The following RALY variants were observed in gnomAD, a reference collection of about 807,000 sequenced individuals.
RALY encodes RALY heterogeneous nuclear ribonucleoprotein.
In RALY, 15 loss-of-function variants were observed where a neutral mutation model predicts 30.7. The observed-to-expected ratio is 0.49, with a 90% confidence interval of 0.33 to 0.75. The LOEUF (loss-of-function observed/expected upper bound fraction) is 0.75. RALY is among the 30% of genes least tolerant of loss of function. The pLI, the probability that RALY is intolerant of heterozygous loss-of-function variation, is 0.02. For synonymous variants in RALY, 177 were observed against 170.8 expected, an observed-to-expected ratio of 1.04 and a Z score of -0.28; for missense variants, 339 against 414.3, an observed-to-expected ratio of 0.82 and a Z score of 1.58.
intron 2 of RALY, among the ~76,000 whole-genome samples, chr20:34,070,759 A>G (rs1197042587): frequency 6.6e-5 from 10 of 152,126 alleles, no homozygotes; most frequent in African/African-American, 1.9e-4. Context: ...GGATCTTGGG[A>G]TTATTCAGTA....
In RALY at chr20:34,072,345, A is replaced by G. The variant is rs1428515582; in HGVS notation, c.256+15A>G. ...GCAGACCCTGGGTAAGCCTCTCTTCACTATATTCTCCTAGTATTCTCTAGA... is the reference window on the plus strand; with the variant it reads ...GCAGACCCTGGGTAAGCCTCTCTTCGCTATATTCTCCTAGTATTCTCTAGA... On this transcript the variant is annotated intron_variant, in intron 3 of 9. Transcript: ENST00000246194. 3 of 1,606,736 alleles carry G rather than the reference A, an allele frequency of 1.9e-6. No homozygotes were observed. Among genetic ancestry groups the G allele is most frequent in the Non-Finnish European group, 2.5e-6 (3 of 1,178,354 alleles).
intron 2 of RALY, among the ~76,000 whole-genome samples, chr20:34,051,579 G>T (rs1568681650): frequency 1.3e-5 from 2 of 152,216 alleles, no homozygotes; most frequent in South Asian, 4.2e-4. Flanking sequence ...ATTGCACTCT[G>T]AGTCTTTGAA....
chr20:34,021,359 G>A (rs544173535), intron 1 of RALY, among the ~76,000 whole-genome samples: 38 of 152,282 alleles, frequency 2.5e-4, no homozygotes, highest in African/African-American at 7.7e-4. Context: ...TCATGCTTCT[G>A]GAGGCTGGGA....
intron 2 of RALY, among the ~76,000 whole-genome samples, chr20:34,050,071 C>G (rs946584423): frequency 1.3e-5 from 2 of 152,202 alleles, no homozygotes; most frequent in African/African-American, 4.8e-5. Context: ...GCTGTTCCAT[C>G]TCATGCCATT....
At chr20:34,072,681 C>T (rs1217610501) in intron 3 of RALY, among the ~76,000 whole-genome samples, 1 of 152,122 alleles carries the variant, frequency 6.6e-6, no homozygotes, top group East Asian at 1.9e-4. Flanking sequence ...TTTCTGAGAG[C>T]GAGCAGGAGG....
chr20:34,012,146 G>T (rs568859963), intron 1 of RALY, among the ~76,000 whole-genome samples: 1 of 152,086 alleles, frequency 6.6e-6, no homozygotes, highest in African/African-American at 2.4e-5. Context: ...CCTTTGTTTG[G>T]TTTTCCTGCC....
intron 8 of RALY, 90 bp from the exon 9 acceptor site, chr20:34,078,415 A>G (rs766532801): frequency 2.4e-5 from 30 of 1,235,314 alleles, no homozygotes; most frequent in Non-Finnish European, 3.1e-5. Flanking sequence ...TGCCCTCTGG[A>G]CCATGAAGTT....
intron 1 of RALY, among the ~76,000 whole-genome samples, chr20:34,003,639 T>C (rs1285974710): frequency 7.0e-6 from 1 of 142,582 alleles, no homozygotes; most frequent in Non-Finnish European, 1.5e-5. Context: ...AAACAGTTTT[T>C]TTTTTTTTTT....
rs2034072893 is a variant in RALY, at chr20:34,084,440, CAA to C, written c.*4539_*4540del. 1 of 152,252 alleles carries C rather than the reference CAA, an allele frequency of 6.6e-6. No homozygotes were observed. The highest frequency in any genetic ancestry group is 1.5e-5 in the Non-Finnish European group (1 of 68,060). 9.4% of individuals were successfully genotyped at this position (152,252 alleles called of 1,614,324 possible). On this transcript the variant is annotated 3_prime_UTR_variant, in exon 10 of 10. Transcript: ENST00000246194. ...CAAAAGGAGAGCAAGGCTTGGCTAA[CAA>C]AAACAGGCATCCACTGTGTGGTTAT...
At chr20:34,056,103 G>A (rs1428369907) in intron 2 of RALY, among the ~76,000 whole-genome samples, 1 of 149,580 alleles carries the variant, frequency 6.7e-6, no homozygotes, top group African/African-American at 2.5e-5. Flanking sequence ...TGTCCACAAA[G>A]CCCTTTCTGA....
intron 2 of RALY, among the ~76,000 whole-genome samples, chr20:34,051,741 G>A (rs141818951): frequency 0.011 from 1,640 of 152,138 alleles, 34 homozygotes; most frequent in African/African-American, 0.038. Flanking sequence ...GGCTACAGGC[G>A]CCTGCCACCA....
intron 1 of RALY, among the ~76,000 whole-genome samples, chr20:34,028,718 A>C (rs1009367099): frequency 2.0e-5 from 3 of 150,272 alleles, no homozygotes; most frequent in Non-Finnish European, 4.4e-5. Flanking sequence ...AAAAAAAAAA[A>C]AAAAAAAAAA....
At position 34,023,799 on chromosome 20, in the gene RALY, C is replaced by T. The variant is rs576095929; in HGVS notation, c.-92-7723C>T. ...TTATTCCCAATCAGGCCACCTCTCACCTCACTCAGACTTAATACAGTATAG... is the reference window on the plus strand; with the variant it reads ...TTATTCCCAATCAGGCCACCTCTCATCTCACTCAGACTTAATACAGTATAG... On this transcript the variant is annotated intron_variant, in intron 1 of 9. Coordinates refer to ENST00000246194, the MANE Select transcript of RALY (RefSeq NM_016732.3). Among the ~76,000 whole-genome samples the T allele has an allele frequency of 3.3e-5, 5 of 152,130 alleles. No individual in the cohort carries two copies. In the South Asian group the frequency reaches 8.3e-4, roughly 25 times the overall value.
At chr20:34,070,600 G>A (rs1393226418) in intron 2 of RALY, among the ~76,000 whole-genome samples, 2 of 152,150 alleles carry the variant, frequency 1.3e-5, no homozygotes, top group Non-Finnish European at 2.9e-5. Context: ...ATCTAAATTG[G>A]CTTTAGCTCT....
chr20:34,011,157 A>G (rs2031384436), intron 1 of RALY, among the ~76,000 whole-genome samples: 3 of 152,158 alleles, frequency 2.0e-5, no homozygotes, highest in Admixed American at 1.3e-4. Flanking sequence ...ATTAAATATT[A>G]TAACTGGTAA....
chr20:34,073,905 A>C lies in RALY; in HGVS notation c.377+39A>C, dbSNP rs41290886. 1,085 of 1,597,936 alleles carry C rather than the reference A, an allele frequency of 6.8e-4. 1 individual carries two copies. The highest frequency in any genetic ancestry group is 8.8e-4 in the Non-Finnish European group (1,027 of 1,165,582). ...GGGCGTGCCCAGGCATGAAACAGCC[A>C]AGCTGGAAGGGTCTTGAGAGATTGT... On this transcript the variant is annotated intron_variant, in intron 5 of 9. Coordinates refer to ENST00000246194, the MANE Select transcript of RALY (RefSeq NM_016732.3).
At chr20:34,025,175 G>T (rs1264631703) in intron 1 of RALY, among the ~76,000 whole-genome samples, 1 of 152,192 alleles carries the variant, frequency 6.6e-6, no homozygotes, top group African/African-American at 2.4e-5. Flanking sequence ...GGAGCCATTA[G>T]GCTGAGATTA....
chr20:34,063,908 C>T (rs1400137506), intron 2 of RALY, among the ~76,000 whole-genome samples: 1 of 151,994 alleles, frequency 6.6e-6, no homozygotes, highest in South Asian at 2.1e-4. Flanking sequence ...GGGGAGTAGA[C>T]CATCTCAGGG....
intron 1 of RALY, among the ~76,000 whole-genome samples, chr20:33,998,048 G>T (rs1486978092): frequency 2.6e-5 from 4 of 152,224 alleles, no homozygotes; most frequent in African/African-American, 9.6e-5. Flanking sequence ...GCTGACATTT[G>T]AGTTGGTTAC....
Sources: allele counts gnomAD v4.1 joint callset (sites outside exome capture counted in the v4.1 genomes callset), GRCh38; gene constraint gnomAD v4.1.1; transcripts MANE v1.5; gene names NCBI Gene and HGNC (gene_info 2026-07-23, HGNC 2026-07-21).